AK8: variants seen among roughly 807,000 people sequenced by gnomAD.
The protein encoded by AK8 is ATP-AMP transphosphorylase 8.
A neutral mutation model predicts 54.6 loss-of-function variants in AK8; 44 were observed. The ratio of observed to expected loss-of-function variants is 0.81; its 90% CI spans 0.63 to 1.04. The LOEUF is 1.04. Among genes scored for constraint, AK8 ranks in the 50% least tolerant of loss-of-function variants. The pLI, the probability that AK8 is intolerant of heterozygous loss-of-function variation, is 0.00. For synonymous variants in AK8, 239 were observed against 245.6 expected, an observed-to-expected ratio of 0.97 and a Z score of 0.25; for missense variants, 555 against 613.6, an observed-to-expected ratio of 0.90 and a Z score of 1.01.
upstream of AK8, chr9:132,878,380 C>G (rs552063043): frequency 6.4e-6 from 8 of 1,245,794 alleles, no homozygotes; most frequent in African/African-American, 7.8e-5. This position sits in a 1 kb window ranked among gnomAD's most constrained non-coding sequence, Gnocchi z 4.7. Flanking sequence ...ACCCGATCCT[C>G]GGTCGCGCGG....
intron 11 of AK8, among the ~76,000 whole-genome samples, chr9:132,747,831 A>G (rs1278127998): frequency 6.7e-6 from 1 of 148,366 alleles, no homozygotes; most frequent in Non-Finnish European, 1.5e-5. Flanking sequence ...TTATAAAATC[A>G]CAGGCTGGGC....
At chr9:132,760,494 C>A (rs1041812100) in intron 11 of AK8, among the ~76,000 whole-genome samples, 1 of 152,170 alleles carries the variant, frequency 6.6e-6, no homozygotes, top group Admixed American at 6.5e-5. Flanking sequence ...TCCATAAATT[C>A]TTTGGGGCTT....
chr9:132,851,765 C>T (rs879459543), intron 5 of AK8, among the ~76,000 whole-genome samples: 1 of 152,202 alleles, frequency 6.6e-6, no homozygotes, highest in Non-Finnish European at 1.5e-5. Flanking sequence ...GAACATGCAA[C>T]CTGAACCCAA....
At position 132,751,551 on chromosome 9, in the gene AK8, AAAC is replaced by A. The variant is rs1193903540; in HGVS notation, c.1122-24020_1122-24018del. On this transcript the variant is annotated intron_variant, in intron 11 of 12. Coordinates refer to ENST00000298545, the MANE Select transcript of AK8 (RefSeq NM_152572.3). ...CAGAGTGAGACTCCAAAAAAAAAAAAAACAACTTCTGGGTTTTGTTAGTTGTCT... is the reference window on the plus strand; with the variant it reads ...CAGAGTGAGACTCCAAAAAAAAAAAAAACTTCTGGGTTTTGTTAGTTGTCT... Among the ~76,000 whole-genome samples the A allele has an allele frequency of 2.0e-5, 3 of 151,414 alleles. 1 individual carries two copies. Among genetic ancestry groups the A allele is most frequent in the East Asian group, 1.9e-4 (1 of 5,172 alleles).
intron 11 of AK8, among the ~76,000 whole-genome samples, chr9:132,792,342 A>G (rs1476069879): frequency 1.3e-5 from 2 of 152,264 alleles, no homozygotes; most frequent in Non-Finnish European, 2.9e-5. Context: ...TAAAAATAGT[A>G]GAAGAAAACA....
At chr9:132,849,426 GT>G (rs1842882444) in intron 5 of AK8, among the ~76,000 whole-genome samples, 1 of 152,150 alleles carries the variant, frequency 6.6e-6, no homozygotes, top group African/African-American at 2.4e-5. Flanking sequence ...GAGCTGAGTC[GT>G]TGTGACAGAA....
At chr9:132,769,817 G>C (rs1838878731) in intron 11 of AK8, 1 of 152,144 alleles carries the variant, frequency 6.6e-6, no homozygotes, top group African/African-American at 2.4e-5. Context: ...TTCAGAAAGA[G>C]AATCCTGCCA....
rs115446482 is a variant in AK8 at position 132,793,033 on chromosome 9, C to T, written c.980-258G>A. 2.3e-3 allele frequency among the ~76,000 whole-genome samples: 350 copies of T among 151,778 alleles called. 7 individuals carry two copies. The highest frequency in any genetic ancestry group is 8.0e-3 in the African/African-American group (333 of 41,528). On this transcript the variant is annotated intron_variant, in intron 10 of 12. Transcript: ENST00000298545. ...CCTTTCCTGGACACGACACCATCCCCACCTGCAACCCAGTGAGATGTGAGC... is the reference window on the plus strand; with the variant it reads ...CCTTTCCTGGACACGACACCATCCCTACCTGCAACCCAGTGAGATGTGAGC...
At chr9:132,749,193 A>G (rs971283351) in intron 11 of AK8, among the ~76,000 whole-genome samples, 1 of 151,918 alleles carries the variant, frequency 6.6e-6, no homozygotes, top group Non-Finnish European at 1.5e-5. Flanking sequence ...AATGTTTTTC[A>G]CGAACTAAGC....
At chr9:132,800,219 GCCGTCA>G (rs1168035720) in intron 10 of AK8, among the ~76,000 whole-genome samples, 1 of 152,196 alleles carries the variant, frequency 6.6e-6, no homozygotes, top group Non-Finnish European at 1.5e-5. Flanking sequence ...CCGTCTCGCT[GCCGTCA>G]CCAGAAATCC....
intron 11 of AK8, among the ~76,000 whole-genome samples, chr9:132,780,469 A>C (rs2809248): frequency 5.9e-5 from 9 of 152,110 alleles, no homozygotes; most frequent in Non-Finnish European, 1.3e-4. Flanking sequence ...AGCCAACAAC[A>C]ACAACTACAA....
chr9:132,842,039 G>A (rs929799854), intron 5 of AK8, among the ~76,000 whole-genome samples: 2 of 152,104 alleles, frequency 1.3e-5, no homozygotes, highest in African/African-American at 4.8e-5. Context: ...CTAATGATGG[G>A]AATAATTTTA....
chr9:132,746,852 T>G (rs1422132554), intron 11 of AK8, among the ~76,000 whole-genome samples: 1 of 152,198 alleles, frequency 6.6e-6, no homozygotes, highest in Non-Finnish European at 1.5e-5. Context: ...GAAAGTAAGT[T>G]CACTTGGTCT....
rs924293151 is a variant in AK8 at position 132,826,194 on chromosome 9, G to A, written c.757+660C>T. On this transcript the variant is annotated intron_variant, in intron 8 of 12. Transcript: ENST00000298545. The surrounding 1 kb of genome is among the most constrained non-coding windows in gnomAD (Gnocchi z 4.5). The stretch of plus-strand genomic sequence containing the variant: ...GCACAAGTTTTGTTCCTATTTTAGC[G>A]ATGCCAAAACTAGGGCTCCGAGGAG... 2.6e-5 allele frequency among the ~76,000 whole-genome samples: 4 copies of A among 152,150 alleles called. No homozygotes were observed. The highest frequency in any genetic ancestry group is 2.1e-4 in the South Asian group (1 of 4,826).
intron 11 of AK8, among the ~76,000 whole-genome samples, chr9:132,734,167 G>T (rs918305554): frequency 4.6e-5 from 7 of 152,180 alleles, no homozygotes; most frequent in Non-Finnish European, 7.3e-5. Context: ...AGAATTATCT[G>T]GAAGGCTTGC....
At chr9:132,853,808 A>AAAT (rs1564439992) in intron 5 of AK8, among the ~76,000 whole-genome samples, 1 of 147,410 alleles carries the variant, frequency 6.8e-6, no homozygotes, top group Non-Finnish European at 1.5e-5. Context: ...AAAAAAAAAA[A>AAAT]GTAAACAGAG....
intron 9 of AK8, among the ~76,000 whole-genome samples, chr9:132,815,198 C>A (rs1564417248): frequency 1.3e-5 from 2 of 152,208 alleles, no homozygotes; most frequent in Admixed American, 1.3e-4. Flanking sequence ...TTCCACAGCC[C>A]TTCCAGCTGG....
At chr9:132,821,403 T>C (rs555486259) in intron 9 of AK8, among the ~76,000 whole-genome samples, 1 of 152,172 alleles carries the variant, frequency 6.6e-6, no homozygotes, top group East Asian at 1.9e-4. Flanking sequence ...ATCTTATAAT[T>C]CTCTTAAGAG....
chr9:132,786,259 C>T (rs925291437), intron 11 of AK8, among the ~76,000 whole-genome samples: 2 of 152,128 alleles, frequency 1.3e-5, no homozygotes, highest in African/African-American at 4.8e-5. Context: ...CTCACTCCAC[C>T]CAGCTGAGTG....
Sources: gnomAD v4.1 joint callset for allele counts (sites outside exome capture counted in the v4.1 genomes callset) on GRCh38, gnomAD v4.1.1 for gene constraint, Gnocchi (gnomAD v3.1) non-coding constraint, MANE v1.5 for transcripts, NCBI Gene and HGNC (gene_info 2026-07-23, HGNC 2026-07-21) for gene names.